MEI4: variants seen among roughly 807,000 people sequenced by gnomAD.
MEI4 encodes the protein meiosis-specific protein MEI4.
Under a neutral mutation model 31.4 loss-of-function variants are expected in MEI4, and 27 were observed. The ratio of observed to expected loss-of-function variants is 0.86; its 90% CI spans 0.63 to 1.19. The LOEUF is 1.19. MEI4 is among the 50% of genes most tolerant of loss of function. The pLI is 0.00. For missense variants in MEI4, 329 were observed against 398.9 expected (o/e 0.82, Z 1.49); for synonymous variants, 122 against 145.4 (o/e 0.84, Z 1.16).
chr6:77,728,772 C>A (rs926828423), intron 2 of MEI4, among the ~76,000 whole-genome samples: 1 of 152,160 alleles, frequency 6.6e-6, no homozygotes, highest in East Asian at 1.9e-4. Flanking sequence ...TGGAGCAGAG[C>A]AAGTAAGGAA....
intron 4 of MEI4, among the ~76,000 whole-genome samples, chr6:77,836,434 G>A (rs1294689144): frequency 6.6e-6 from 1 of 152,016 alleles, no homozygotes; most frequent in Admixed American, 6.6e-5. Flanking sequence ...TTAAAATTTG[G>A]AAGAAAGCAT....
chr6:77,780,638 A>C (rs556020518), intron 3 of MEI4, among the ~76,000 whole-genome samples: 1 of 152,280 alleles, frequency 6.6e-6, no homozygotes, highest in African/African-American at 2.4e-5. Context: ...TAATCTGTTA[A>C]TTAATCTACT....
intron 4 of MEI4, among the ~76,000 whole-genome samples, chr6:77,850,306 A>G (rs1158751901): frequency 6.6e-6 from 1 of 152,196 alleles, no homozygotes; most frequent in African/African-American, 2.4e-5. Context: ...TATGGAACCA[A>G]AAAAGAGCCT....
In MEI4 at chr6:77,849,882, A is replaced by G. The variant is rs1770574791; in HGVS notation, c.900+20820A>G. ...TAACATTTGAGGCAGCATTATCCAT[A>G]AATATTTATCCCATGTGGCATATTG... is the stretch of plus-strand genomic sequence containing the variant. On this transcript the variant is annotated intron_variant, in intron 4 of 4. Transcript: ENST00000684080. Among the ~76,000 whole-genome samples, 4 of 152,190 alleles carry G rather than the reference A, an allele frequency of 2.6e-5. No homozygotes were observed. The South Asian group carries it at 8.3e-4, about 31-fold the overall frequency.
At chr6:77,917,769 T>A (rs1441841586) in intron 4 of MEI4, among the ~76,000 whole-genome samples, 1 of 151,198 alleles carries the variant, frequency 6.6e-6, no homozygotes, top group African/African-American at 2.4e-5. Context: ...CTCTTTAGTT[T>A]AATGAGATAC....
At chr6:77,821,819 A>G (rs1769833833) in intron 3 of MEI4, among the ~76,000 whole-genome samples, 1 of 151,474 alleles carries the variant, frequency 6.6e-6, no homozygotes, top group Admixed American at 6.6e-5. Flanking sequence ...AAAAAAAAAA[A>G]AAAATCGTGC....
At chr6:77,768,589 A>G (rs1012364254) in intron 3 of MEI4, among the ~76,000 whole-genome samples, 1 of 152,058 alleles carries the variant, frequency 6.6e-6, no homozygotes, top group Admixed American at 6.6e-5. Flanking sequence ...AGTCCCAGCT[A>G]CTTGGGAGAA....
chr6:77,818,738 T>A (rs1769746212), intron 3 of MEI4, among the ~76,000 whole-genome samples: 1 of 152,172 alleles, frequency 6.6e-6, no homozygotes, highest in Non-Finnish European at 1.5e-5. Flanking sequence ...GTATTTTGTT[T>A]TTAATAGTGA....
At chr6:77,882,664 C>T (rs1771517295) in intron 4 of MEI4, among the ~76,000 whole-genome samples, 1 of 152,142 alleles carries the variant, frequency 6.6e-6, no homozygotes, top group Admixed American at 6.6e-5. Context: ...CCTGCGCAGA[C>T]TACTTTGTGT....
intron 3 of MEI4, among the ~76,000 whole-genome samples, chr6:77,827,700 A>T (rs1769988999): frequency 6.6e-6 from 1 of 152,202 alleles, no homozygotes; most frequent in Non-Finnish European, 1.5e-5. Flanking sequence ...AGCCTCACAT[A>T]TAATATTGTT....
chr6:77,659,049 G>T (rs1768451582), intron 1 of MEI4, among the ~76,000 whole-genome samples: 2 of 152,156 alleles, frequency 1.3e-5, no homozygotes, highest in South Asian at 2.1e-4. Context: ...CTTGGGCCTG[G>T]AGGACTGATA....
intron 3 of MEI4, among the ~76,000 whole-genome samples, chr6:77,790,029 G>C (rs1354746058): frequency 2.6e-5 from 4 of 151,968 alleles, no homozygotes; most frequent in Non-Finnish European, 5.9e-5. Flanking sequence ...TGATAGACTG[G>C]ATTAAGAAAA....
chr6:77,755,599 A>G (rs889627167), intron 2 of MEI4, among the ~76,000 whole-genome samples: 1 of 151,938 alleles, frequency 6.6e-6, no homozygotes, highest in African/African-American at 2.4e-5. Flanking sequence ...TTGTATTTTT[A>G]GTAGAGATGG....
chr6:77,713,153 G>GCT (rs1202261707), intron 2 of MEI4, among the ~76,000 whole-genome samples: 1 of 152,020 alleles, frequency 6.6e-6, no homozygotes, highest in Non-Finnish European at 1.5e-5. Context: ...TTTGGAGCAA[G>GCT]TTGCTTACCT....
chr6:77,783,627 C>G (rs1022549968), intron 3 of MEI4, among the ~76,000 whole-genome samples: 1 of 143,072 alleles, frequency 7.0e-6, no homozygotes, highest in African/African-American at 2.7e-5. Context: ...CAATTTTAGT[C>G]CAAAGTAAGA....
intron 3 of MEI4, among the ~76,000 whole-genome samples, chr6:77,800,828 C>T (rs1195457053): frequency 2.6e-5 from 4 of 151,944 alleles, no homozygotes; most frequent in Non-Finnish European, 5.9e-5. Context: ...AGCCTTGTAT[C>T]CCAGGGATGA....
intron 1 of MEI4, among the ~76,000 whole-genome samples, chr6:77,660,969 C>T (rs1050352455): frequency 3.9e-5 from 6 of 152,134 alleles, no homozygotes; most frequent in Non-Finnish European, 7.3e-5. Context: ...AGAAGATTAG[C>T]AGCCTGGCGA....
At chr6:77,651,597 A>G (rs910818330), upstream of MEI4, among the ~76,000 whole-genome samples, 2 of 152,222 alleles carry the variant, frequency 1.3e-5, no homozygotes, top group Admixed American at 6.5e-5. Flanking sequence ...TTTACAGCGT[A>G]TTATATGACT....
Position 77,660,583 on chromosome 6 carries a change from G to C in MEI4, c.-15+7491G>C, listed in dbSNP as rs571571816. Among the ~76,000 whole-genome samples the C allele has an allele frequency of 6.6e-5, 10 of 151,900 alleles. 1 individual carries two copies. Among genetic ancestry groups the C allele is most frequent in the African/African-American group, 2.4e-4 (10 of 41,420 alleles). Reference sequence around the variant, plus strand: ...GGGGGGCTTGGCCTAAGTGGTGGGGGTGACTTCGTAAAGCCCTGTCGCAAA... The same window carrying C: ...GGGGGGCTTGGCCTAAGTGGTGGGGCTGACTTCGTAAAGCCCTGTCGCAAA... On this transcript the variant is annotated intron_variant, in intron 1 of 4. Transcript: ENST00000684080.
Sources: gnomAD v4.1 joint callset for allele counts (sites outside exome capture counted in the v4.1 genomes callset) on GRCh38, gnomAD v4.1.1 for gene constraint, MANE v1.5 for transcripts, NCBI Gene and HGNC (gene_info 2026-07-23, HGNC 2026-07-21) for gene names.